SFRP1: variants seen among roughly 807,000 people sequenced by gnomAD.
SFRP1 encodes secreted frizzled related protein 1.
In SFRP1, 9 loss-of-function variants were observed where a neutral mutation model predicts 25.9. That is an observed-to-expected ratio of 0.35 (90% CI 0.21 to 0.61). The LOEUF is 0.61. SFRP1 is among the 20% of genes least tolerant of loss of function. The probability of loss-of-function intolerance (pLI) is 0.78; values close to 1 mark genes in which losing one functional copy is unlikely to be tolerated. For missense variants in SFRP1, 346 were observed against 418.2 expected (o/e 0.83, Z 1.51); for synonymous variants, 178 against 174.0 (o/e 1.02, Z -0.18).
chr8:41,295,096 C>T (rs1803825716), intron 2 of SFRP1, among the ~76,000 whole-genome samples: 2 of 152,234 alleles, frequency 1.3e-5, no homozygotes, highest in Admixed American at 6.5e-5. Flanking sequence ...AGTGCAGTGG[C>T]TCACGCCTGG....
rs1803954037 is a variant in SFRP1, at chr8:41,303,473, C to T, written c.610G>A (p.Ala204Thr). The change falls in exon 2 of 3, where the codon GCC becomes ACC. Residue 204 changes from alanine to threonine, a missense_variant. Transcript: ENST00000220772. ...AACGCTTTCTTACCAAACTCGCTGG[C>T]ACAGAGATGTTCAATGATGGCCTCA... ...KSEAIIEHLC[A>T]SEFALRMKIK... 3.1e-6 allele frequency: 5 copies of T among 1,613,752 alleles called. No homozygotes were observed. Among genetic ancestry groups the T allele is most frequent in the East Asian group, 2.2e-5 (1 of 44,866 alleles).
chr8:41,285,001 A>G (rs778804794), intron 2 of SFRP1, among the ~76,000 whole-genome samples: 13 of 152,106 alleles, frequency 8.5e-5, no homozygotes, highest in Non-Finnish European at 1.8e-4. Context: ...CCAGCCCGAC[A>G]CTCAGTCCCC....
rs1392099468 is a variant in SFRP1, at chr8:41,306,851, A to G, written c.544+1765T>C. The G allele has an allele frequency of 2.5e-6, 4 of 1,597,574 alleles. No homozygotes were observed. The African/African-American group carries it at 4.0e-5, about 16-fold the overall frequency. ...AAGACAGCGATTATGGGGTTTCCCC[A>G]TCCCATCACAGCCTTTTGGGGGCTG... On this transcript the variant is annotated intron_variant, in intron 1 of 2. Coordinates refer to ENST00000220772, the MANE Select transcript of SFRP1 (RefSeq NM_003012.5).
At position 41,308,998 on chromosome 8, in the gene SFRP1, C is replaced by A. The variant is rs780574104; in HGVS notation, c.162G>T (p.Lys54Asn). 2 of 1,612,872 alleles carry A rather than the reference C, an allele frequency of 1.2e-6. No homozygotes were observed. Among genetic ancestry groups the A allele is most frequent in the Non-Finnish European group, 1.7e-6 (2 of 1,179,928 alleles). Residue 54 changes from lysine to asparagine, a missense_variant, in exon 1 of 3, where the codon AAG becomes AAT. Physicochemically the swap from Lys to Asn is moderately conservative, Grantham distance 94 (BLOSUM62 0). Transcript: ENST00000220772. ...GPYQSGRFYT[K>N]PPQCVDIPAD... ...CGGGGATGTCCACGCACTGAGGTGG[C>A]TTGGTGTAGAAGCGCCCGCTCTGGT...
At chr8:41,289,991 G>A (rs1803755986) in intron 2 of SFRP1, among the ~76,000 whole-genome samples, 1 of 152,214 alleles carries the variant, frequency 6.6e-6, no homozygotes, top group South Asian at 2.1e-4. Flanking sequence ...AAAGGCAGCT[G>A]CCCAGCACAG....
At chr8:41,291,826 G>A (rs931992096) in intron 2 of SFRP1, among the ~76,000 whole-genome samples, 1 of 152,142 alleles carries the variant, frequency 6.6e-6, no homozygotes, top group Non-Finnish European at 1.5e-5. Flanking sequence ...ACACCATGAG[G>A]AGCAGCACAA....
rs141791512 is a variant in SFRP1 at position 41,270,908 on chromosome 8, A to C, written c.623-5419T>G. The C allele has an allele frequency of 2.0e-5, 3 of 152,334 alleles. No individual in the cohort carries two copies. The East Asian group carries it at 5.8e-4, about 29-fold the overall frequency. The allele number at this position is 152,334 out of a possible 1,614,324, so 9.4% of individuals were successfully genotyped here. On this transcript the variant is annotated intron_variant, in intron 2 of 2. Transcript: ENST00000220772. ...AGCCTGCCGCTGGGGTATACTAGAC[A>C]CAGAGGAGGACCGGACAGGTGCTGC...
intron 2 of SFRP1, among the ~76,000 whole-genome samples, chr8:41,286,020 C>T (rs1225290663): frequency 3.2e-4 from 8 of 24,986 alleles, no homozygotes; most frequent in South Asian, 1.0e-3. Flanking sequence ...TGGAACTGGG[C>T]GGGGGGAGGG....
intron 2 of SFRP1, among the ~76,000 whole-genome samples, chr8:41,287,388 G>A (rs1803718208): frequency 6.6e-6 from 1 of 152,230 alleles, no homozygotes; most frequent in South Asian, 2.1e-4. Flanking sequence ...GCGATGCTGA[G>A]CGCTCATTCT....
intron 2 of SFRP1, chr8:41,276,963 A>G (rs2117488967): frequency 2.2e-6 from 1 of 456,364 alleles, no homozygotes; most frequent in Non-Finnish European, 4.4e-6. Context: ...CATACACACC[A>G]GCAGCATCGG....
At chr8:41,298,176 A>G (rs1803867271) in intron 2 of SFRP1, 1 of 152,244 alleles carries the variant, frequency 6.6e-6, no homozygotes, top group Admixed American at 6.5e-5. Context: ...CTTCAGTAGC[A>G]CACATGGTAA....
intron 2 of SFRP1, among the ~76,000 whole-genome samples, chr8:41,293,836 G>C (rs556069511): frequency 1.3e-5 from 2 of 152,156 alleles, no homozygotes; most frequent in Admixed American, 1.3e-4. Context: ...GCAGTGGCCT[G>C]AACACAGCTC....
At chr8:41,293,389 C>G (rs772553925) in intron 2 of SFRP1, among the ~76,000 whole-genome samples, 2 of 152,182 alleles carry the variant, frequency 1.3e-5, no homozygotes, top group Non-Finnish European at 2.9e-5. Context: ...ACATAGAATG[C>G]GAAGCGAGTT....
intron 2 of SFRP1, among the ~76,000 whole-genome samples, chr8:41,302,145 A>G (rs750785440): frequency 7.2e-5 from 11 of 152,234 alleles, no homozygotes; most frequent in Non-Finnish European, 1.0e-4. Flanking sequence ...GGGAATCCTC[A>G]CTGATGAATT....
intron 1 of SFRP1, among the ~76,000 whole-genome samples, chr8:41,305,462 T>C (rs1295372342): frequency 2.0e-5 from 3 of 152,176 alleles, no homozygotes; most frequent in African/African-American, 7.2e-5. Flanking sequence ...TTACCACGGC[T>C]TTCCCCTATC....
At chr8:41,298,237 C>T (rs564445686) in intron 2 of SFRP1, 6 of 152,244 alleles carry the variant, frequency 3.9e-5, no homozygotes, top group East Asian at 1.9e-4. Flanking sequence ...AAGGATAACA[C>T]GTGAGTTCGT....
intron 2 of SFRP1, among the ~76,000 whole-genome samples, chr8:41,288,145 G>A (rs1256082671): frequency 6.6e-6 from 1 of 152,044 alleles, no homozygotes; most frequent in Non-Finnish European, 1.5e-5. Flanking sequence ...ATCACCTGAG[G>A]TCAGGAGTTC....
Position 41,308,941 on chromosome 8 carries a change from G to C in SFRP1, c.219C>G (p.Tyr73Ter). ...GCAGGTTGGGCAGCACCATCTTCTT[G>C]TAGCCCACGTTGTGGCACAGCCGCA... ...ADLRLCHNVG[Y>*]KKMVLPNLLE... The change falls in exon 1 of 3, where the codon TAC becomes TAG. Residue 73 changes from tyrosine to a stop codon, truncating the protein, a stop_gained. Coordinates refer to ENST00000220772, the MANE Select transcript of SFRP1 (RefSeq NM_003012.5). LOFTEE classifies it high-confidence loss of function. 6.2e-7 allele frequency: 1 copy of C among 1,613,410 alleles called. No individual in the cohort carries two copies. Among genetic ancestry groups the C allele is most frequent in the Non-Finnish European group, 8.5e-7 (1 of 1,179,936 alleles).
chr8:41,307,082 A>C, intron 1 of SFRP1: 1 of 1,310,008 alleles, frequency 7.6e-7, no homozygotes. Flanking sequence ...GGCTGGGCTA[A>C]TCCCCGCTGG....
Sources: gnomAD v4.1 joint callset for allele counts (sites outside exome capture counted in the v4.1 genomes callset) on GRCh38, gnomAD v4.1.1 for gene constraint, MANE v1.5 for transcripts, NCBI Gene and HGNC (gene_info 2026-07-23, HGNC 2026-07-21) for gene names.